SOX5: variants seen among roughly 807,000 people sequenced by gnomAD.
SOX5 encodes the protein SRY-box transcription factor 5.
SOX5 carries 9 observed loss-of-function variants against 92.0 expected under a neutral mutation model. That is an observed-to-expected ratio of 0.10 (90% CI 0.06 to 0.17). The LOEUF (loss-of-function observed/expected upper bound fraction) is 0.17, where lower values mean the gene tolerates loss of function less well. Ranked by LOEUF, SOX5 falls within the 10% of genes least tolerant of loss-of-function variation. SOX5 has a pLI of 1.00. For synonymous variants in SOX5, 344 were observed against 336.3 expected (o/e 1.02, Z -0.25); for missense variants, 642 against 944.5 (o/e 0.68, Z 4.20).
At chr12:24,084,647 A>C (rs1400771206) in intron 4 of SOX5, among the ~76,000 whole-genome samples, 1 of 152,076 alleles carries the variant, frequency 6.6e-6, no homozygotes, top group Non-Finnish European at 1.5e-5. Context: ...TACCAGTTAC[A>C]ATAACTTTGC....
At chr12:23,798,505 T>C (rs1190743069) in intron 3 of SOX5, among the ~76,000 whole-genome samples, 1 of 151,500 alleles carries the variant, frequency 6.6e-6, no homozygotes, top group Non-Finnish European at 1.5e-5. Flanking sequence ...GAGTTACACA[T>C]GTATACTCAT....
At chr12:23,862,050 GT>G (rs1282915088) in intron 2 of SOX5, among the ~76,000 whole-genome samples, 2 of 151,914 alleles carry the variant, frequency 1.3e-5, no homozygotes, top group Non-Finnish European at 2.9e-5. Context: ...ACACTTACAT[GT>G]ATATATTTCA....
At chr12:24,321,105 A>T (rs1429789148) in intron 2 of SOX5, among the ~76,000 whole-genome samples, 1 of 152,148 alleles carries the variant, frequency 6.6e-6, no homozygotes, top group Non-Finnish European at 1.5e-5. Context: ...TTGTATGAGA[A>T]TGTTAGCCAG....
chr12:24,082,559 G>A (rs994865382), intron 4 of SOX5, among the ~76,000 whole-genome samples: 4 of 151,834 alleles, frequency 2.6e-5, no homozygotes, highest in Non-Finnish European at 5.9e-5. Context: ...GACAATTAGT[G>A]AGATGTAATA....
intron 4 of SOX5, among the ~76,000 whole-genome samples, chr12:24,130,068 C>A (rs1157346050): frequency 2.6e-5 from 4 of 151,830 alleles, no homozygotes; most frequent in African/African-American, 9.7e-5. Context: ...AATTATTAAT[C>A]GTGCTTGTCT....
At chr12:23,838,015 TAATA>T (rs551317601) in intron 3 of SOX5, among the ~76,000 whole-genome samples, 10,390 of 128,090 alleles carry the variant, frequency 0.081, 606 homozygotes, top group African/African-American at 0.14. Flanking sequence ...TATATTTATA[TAATA>T]TATATACATT....
At chr12:23,620,656 A>G (rs2077062771) in intron 8 of SOX5, among the ~76,000 whole-genome samples, 2 of 152,206 alleles carry the variant, frequency 1.3e-5, no homozygotes, top group African/African-American at 4.8e-5. Context: ...CCCAACACAT[A>G]TAACTCATAA....
At chr12:24,103,726 A>G (rs1335589420) in intron 4 of SOX5, among the ~76,000 whole-genome samples, 1 of 152,244 alleles carries the variant, frequency 6.6e-6, no homozygotes. Flanking sequence ...TAACAACATC[A>G]TATGAACAAA....
intron 3 of SOX5, among the ~76,000 whole-genome samples, chr12:24,248,910 T>TACTAC (rs1380178282): frequency 6.6e-6 from 1 of 152,202 alleles, no homozygotes; most frequent in African/African-American, 2.4e-5. Flanking sequence ...GCCGTTCAAT[T>TACTAC]GACTGAAAGA....
At chr12:24,439,389 G>C (rs535869569) in intron 1 of SOX5, among the ~76,000 whole-genome samples, 6 of 152,242 alleles carry the variant, frequency 3.9e-5, no homozygotes, top group South Asian at 2.1e-4. Flanking sequence ...AGGTATGCCT[G>C]TATAGTTATG....
chr12:23,664,291 A>G (rs1285199729), intron 7 of SOX5, among the ~76,000 whole-genome samples: 1 of 151,016 alleles, frequency 6.6e-6, no homozygotes, highest in African/African-American at 2.4e-5. Flanking sequence ...ATACTAAAGC[A>G]TAACAAGATG....
rs1592990227 is a variant in SOX5 at position 23,654,891 on chromosome 12, A to G, written c.931+10553T>C. Among the ~76,000 whole-genome samples the G allele has an allele frequency of 7.9e-5, 12 of 152,212 alleles. No homozygotes were observed. The South Asian group carries it at 2.5e-3, about 32-fold the overall frequency. ...TTAGCTCTTGTTTGACTATATAGAT[A>G]TTTTAAAATAAGACAATATAAGGTA... On this transcript the variant is annotated intron_variant, in intron 7 of 14. Transcript: ENST00000451604.
At chr12:24,290,968 A>C (rs775054045) in intron 2 of SOX5, among the ~76,000 whole-genome samples, 11 of 152,222 alleles carry the variant, frequency 7.2e-5, no homozygotes, top group Non-Finnish European at 1.6e-4. Context: ...ACTTGTAAAA[A>C]CAGGGTTGCA....
At chr12:23,623,299 A>C (rs2077397233) in intron 8 of SOX5, among the ~76,000 whole-genome samples, 1 of 152,204 alleles carries the variant, frequency 6.6e-6, no homozygotes, top group Admixed American at 6.5e-5. Flanking sequence ...GTATTAGATA[A>C]TTATAAACAC....
intron 1 of SOX5, among the ~76,000 whole-genome samples, chr12:24,521,162 C>A (rs1950229675): frequency 2.0e-5 from 3 of 152,186 alleles, no homozygotes; most frequent in South Asian, 4.1e-4. Context: ...ACAAGCAATT[C>A]TCTTGCCTCA....
At chr12:23,643,086 C>T (rs1437479546) in intron 7 of SOX5, among the ~76,000 whole-genome samples, 1 of 62,616 alleles carries the variant, frequency 1.6e-5, no homozygotes, top group Non-Finnish European at 3.2e-5. Context: ...GACTCCGTCT[C>T]AAAAAAAAAA....
At chr12:23,782,271 CAT>C in intron 3 of SOX5, among the ~76,000 whole-genome samples, 1 of 152,114 alleles carries the variant, frequency 6.6e-6, no homozygotes, top group Non-Finnish European at 1.5e-5. Context: ...ACTAGGTAAA[CAT>C]GTGGACAATG....
At chr12:24,342,961 C>T (rs1357183288) in intron 2 of SOX5, among the ~76,000 whole-genome samples, 1 of 152,226 alleles carries the variant, frequency 6.6e-6, no homozygotes, top group African/African-American at 2.4e-5. Context: ...CCAAGTATGT[C>T]GCTAAATACT....
intron 3 of SOX5, among the ~76,000 whole-genome samples, chr12:24,267,589 TCTAA>T (rs1197999705): frequency 6.6e-6 from 1 of 152,198 alleles, no homozygotes; most frequent in Non-Finnish European, 1.5e-5. Context: ...ATTTCTGTAC[TCTAA>T]CTTTGCAGAA....
Sources: gnomAD v4.1 joint callset for allele counts (sites outside exome capture counted in the v4.1 genomes callset) on GRCh38, gnomAD v4.1.1 for gene constraint, MANE v1.5 for transcripts, NCBI Gene and HGNC (gene_info 2026-07-23, HGNC 2026-07-21) for gene names.